Variants in LSAMP observed in about 807,000 individuals in gnomAD.
LSAMP encodes the protein limbic system-associated membrane protein.
LSAMP carries 7 observed loss-of-function variants against 38.6 expected under a neutral mutation model. The observed-to-expected ratio is 0.18, with a 90% CI of 0.10 to 0.34. The LOEUF is 0.34. Among genes scored for constraint, LSAMP ranks in the 10% least tolerant of loss-of-function variants. The pLI, the probability that LSAMP is intolerant of heterozygous loss-of-function variation, is 1.00. For missense variants in LSAMP, 313 were observed against 420.0 expected (o/e 0.75, Z 2.23); for synonymous variants, 154 against 166.8 (o/e 0.92, Z 0.59).
chr3:116,335,886 A>C (rs987595571), intron 1 of LSAMP, among the ~76,000 whole-genome samples: 1 of 152,062 alleles, frequency 6.6e-6, no homozygotes, highest in Non-Finnish European at 1.5e-5. Flanking sequence ...TACAGTTTCT[A>C]CTCAAGATGT....
intron 1 of LSAMP, among the ~76,000 whole-genome samples, chr3:116,111,223 C>A (rs1708607753): frequency 2.0e-5 from 3 of 152,198 alleles, no homozygotes; most frequent in Admixed American, 2.0e-4. Context: ...GCTCAGAGGC[C>A]TGACAGTCAC....
At position 115,810,095 on chromosome 3, in the gene LSAMP, T is replaced by C; in HGVS notation, c.*222A>G. The C allele has an allele frequency of 2.0e-6, 1 of 509,380 alleles. No homozygotes were observed. The highest frequency in any genetic ancestry group is 3.5e-6 in the Non-Finnish European group (1 of 286,540). The allele number at this position is 509,380 out of a possible 1,614,324, so 31.6% of individuals were successfully genotyped here. A position where few individuals can be genotyped will look rare whatever the true frequency, so the allele number is the denominator to read the frequency against. On this transcript the variant is annotated 3_prime_UTR_variant, in exon 7 of 7. Coordinates refer to ENST00000490035, the MANE Select transcript of LSAMP (RefSeq NM_002338.5). ...TATCCCAGTAGAACCTTCTCCATCCTGAATGATACATAAATTTTTAATGAT... is the reference window on the plus strand; with the variant it reads ...TATCCCAGTAGAACCTTCTCCATCCCGAATGATACATAAATTTTTAATGAT...
intron 1 of LSAMP, among the ~76,000 whole-genome samples, chr3:116,269,775 G>T (rs1239439910): frequency 6.6e-6 from 1 of 152,124 alleles, no homozygotes; most frequent in East Asian, 1.9e-4. Flanking sequence ...ATGGTTCTTT[G>T]TTTGATCAAT....
chr3:115,910,106 T>C (rs1937101977), intron 3 of LSAMP, among the ~76,000 whole-genome samples: 1 of 152,178 alleles, frequency 6.6e-6, no homozygotes, highest in Admixed American at 6.6e-5. Flanking sequence ...GAAAACATTG[T>C]TCTTATTCCC....
At chr3:116,382,317 T>C (rs1454816689) in intron 1 of LSAMP, among the ~76,000 whole-genome samples, 2 of 151,986 alleles carry the variant, frequency 1.3e-5, no homozygotes, top group African/African-American at 2.4e-5. Context: ...TGGAATACTA[T>C]GCAGCCATAA....
At chr3:116,170,790 A>G (rs541541935) in intron 1 of LSAMP, among the ~76,000 whole-genome samples, 3 of 152,176 alleles carry the variant, frequency 2.0e-5, no homozygotes, top group Non-Finnish European at 4.4e-5. Context: ...AAACTGATTT[A>G]CACAATGAAG....
chr3:116,062,982 G>A (rs868795855), intron 2 of LSAMP, among the ~76,000 whole-genome samples: 2 of 152,076 alleles, frequency 1.3e-5, no homozygotes, highest in Non-Finnish European at 2.9e-5. Context: ...CATTCAAGTC[G>A]TGTGAATTAT....
At chr3:115,901,827 A>G (rs1022951384) in intron 3 of LSAMP, among the ~76,000 whole-genome samples, 17 of 152,204 alleles carry the variant, frequency 1.1e-4, no homozygotes, top group Non-Finnish European at 2.5e-4. Context: ...CAAGTAAAGA[A>G]CATAGATTCT....
intron 6 of LSAMP, among the ~76,000 whole-genome samples, chr3:115,828,524 C>T (rs558242235): frequency 1.3e-5 from 2 of 152,286 alleles, no homozygotes; most frequent in Admixed American, 6.5e-5. Context: ...GAGGCAGACT[C>T]GAGAGCAAGC....
chr3:115,883,464 C>A (rs905138158), intron 3 of LSAMP, among the ~76,000 whole-genome samples: 2 of 151,962 alleles, frequency 1.3e-5, no homozygotes, highest in African/African-American at 2.4e-5. Flanking sequence ...AAACAGTAGT[C>A]CTAATGTGAT....
At chr3:115,903,990 T>G (rs1936946578) in intron 3 of LSAMP, among the ~76,000 whole-genome samples, 2 of 152,168 alleles carry the variant, frequency 1.3e-5, no homozygotes, top group Non-Finnish European at 2.9e-5. Context: ...GACACATTAC[T>G]GCAGAAAGTT....
At chr3:116,088,063 T>A (rs1170015247) in intron 1 of LSAMP, among the ~76,000 whole-genome samples, 2 of 149,158 alleles carry the variant, frequency 1.3e-5, no homozygotes, top group African/African-American at 2.5e-5. Context: ...CTAGCTAATT[T>A]AAAAAAAAAA....
intron 1 of LSAMP, among the ~76,000 whole-genome samples, chr3:116,285,025 A>G (rs1347046114): frequency 6.6e-6 from 1 of 152,206 alleles, no homozygotes; most frequent in Non-Finnish European, 1.5e-5. Flanking sequence ...TGCTACTTTC[A>G]AAGACAAATA....
chr3:116,390,132 TACACACACAC>T lies in LSAMP; in HGVS notation c.155+54735_155+54744del, dbSNP rs10661312. On this transcript the variant is annotated intron_variant, in intron 1 of 6. Transcript: ENST00000490035. The stretch of plus-strand genomic sequence containing the variant: ...CTTAAATTATATATGTATGTATGTA[TACACACACAC>T]ACACACACACACACACACACACATT... 1.0e-4 allele frequency among the ~76,000 whole-genome samples: 15 copies of T among 147,364 alleles called. No individual in the cohort carries two copies. In the South Asian group the frequency reaches 2.9e-3, roughly 28 times the overall value.
chr3:115,908,542 T>C (rs1040075936), intron 3 of LSAMP, among the ~76,000 whole-genome samples: 1 of 152,164 alleles, frequency 6.6e-6, no homozygotes, highest in Admixed American at 6.6e-5. Context: ...AAAAGCCTGA[T>C]TCTGAAGTTG....
At chr3:116,177,499 G>A (rs1017295816) in intron 1 of LSAMP, among the ~76,000 whole-genome samples, 1 of 152,104 alleles carries the variant, frequency 6.6e-6, no homozygotes, top group Non-Finnish European at 1.5e-5. Context: ...TTTTCACAAT[G>A]TAGCCACAGA....
intron 1 of LSAMP, among the ~76,000 whole-genome samples, chr3:116,319,413 G>A (rs763017982): frequency 4.6e-5 from 7 of 152,054 alleles, no homozygotes; most frequent in East Asian, 1.9e-4. Context: ...TTTCTATTCC[G>A]TACCTTAAAT....
intron 3 of LSAMP, among the ~76,000 whole-genome samples, chr3:116,001,529 A>T (rs1411459949): frequency 6.6e-6 from 1 of 152,236 alleles, no homozygotes; most frequent in African/African-American, 2.4e-5. Flanking sequence ...TTATTATCTT[A>T]GAGTCCTGGA....
intron 1 of LSAMP, among the ~76,000 whole-genome samples, chr3:116,418,331 A>G (rs1470228289): frequency 6.6e-6 from 1 of 152,114 alleles, no homozygotes; most frequent in East Asian, 1.9e-4. Context: ...ATGTGTAAAA[A>G]CCCAATTTGT....
Sources: allele counts gnomAD v4.1 joint callset (sites outside exome capture counted in the v4.1 genomes callset), GRCh38; gene constraint gnomAD v4.1.1; transcripts MANE v1.5; gene names NCBI Gene and HGNC (gene_info 2026-07-23, HGNC 2026-07-21).